Variants in CAMTA1 observed in about 807,000 individuals in gnomAD.
CAMTA1 encodes calmodulin binding transcription activator 1.
In CAMTA1, 27 loss-of-function variants were observed where a neutral mutation model predicts 170.9. The ratio of observed to expected loss-of-function variants is 0.16; its 90% confidence interval spans 0.12 to 0.22. The LOEUF (loss-of-function observed/expected upper bound fraction) is 0.22, where lower values mean the gene tolerates loss of function less well. Among genes scored for constraint, CAMTA1 ranks in the 10% least tolerant of loss-of-function variants. The pLI, the probability that CAMTA1 is intolerant of heterozygous loss-of-function variation, is 1.00. For missense variants in CAMTA1, 1,619 were observed against 2,217.2 expected, an observed-to-expected ratio of 0.73 and a Z score of 5.42; for synonymous variants, 833 against 891.5, an observed-to-expected ratio of 0.93 and a Z score of 1.17.
chr1:7,390,326 C>G (rs1204931786), intron 5 of CAMTA1, among the ~76,000 whole-genome samples: 1 of 152,226 alleles, frequency 6.6e-6, no homozygotes, highest in African/African-American at 2.4e-5. Context: ...GACCTGCTGT[C>G]CTCAGGCTCA....
intron 3 of CAMTA1, among the ~76,000 whole-genome samples, chr1:6,923,863 C>G (rs1457938204): frequency 6.6e-6 from 1 of 152,228 alleles, no homozygotes; most frequent in Middle Eastern, 3.2e-3. Flanking sequence ...TCCCCTAGAC[C>G]TGCCAATTTG....
intron 16 of CAMTA1, among the ~76,000 whole-genome samples, chr1:7,742,806 C>A (rs562953613): frequency 6.6e-6 from 1 of 152,144 alleles, no homozygotes; most frequent in African/African-American, 2.4e-5. Context: ...CAAATCAAGA[C>A]GGCCAATAGA....
intron 5 of CAMTA1, among the ~76,000 whole-genome samples, chr1:7,460,629 C>G (rs114934156): frequency 6.6e-6 from 1 of 151,682 alleles, no homozygotes; most frequent in African/African-American, 2.4e-5. Flanking sequence ...AGTTCTGCCT[C>G]TCACCTGCTC....
chr1:6,943,846 CAAAAAAAAA>C (rs1198830005), intron 3 of CAMTA1, among the ~76,000 whole-genome samples: 8 of 51,676 alleles, frequency 1.5e-4, no homozygotes, highest in South Asian at 1.4e-3. Context: ...GACTCTGTCT[CAAAAAAAAA>C]AAAAAAAAAA....
chr1:7,408,737 C>T (rs748042211), intron 5 of CAMTA1, among the ~76,000 whole-genome samples: 18 of 152,324 alleles, frequency 1.2e-4, no homozygotes, highest in East Asian at 3.9e-4. Flanking sequence ...CTCCATAGCA[C>T]GCCTTGCTGG....
intron 3 of CAMTA1, among the ~76,000 whole-genome samples, chr1:6,862,947 A>T (rs889600512): frequency 1.3e-5 from 2 of 152,258 alleles, no homozygotes; most frequent in African/African-American, 4.8e-5. Context: ...AAAAAAGGTG[A>T]CAAGAATATA....
intron 3 of CAMTA1, among the ~76,000 whole-genome samples, chr1:6,926,036 C>T (rs1683014712): frequency 1.3e-5 from 2 of 152,252 alleles, no homozygotes; most frequent in African/African-American, 4.8e-5. Context: ...GAGCACTTAA[C>T]TCTGTCCCAG....
At chr1:7,265,923 G>A (rs906302060) in intron 5 of CAMTA1, among the ~76,000 whole-genome samples, 1 of 152,204 alleles carries the variant, frequency 6.6e-6, no homozygotes, top group Non-Finnish European at 1.5e-5. Flanking sequence ...AGTGACAAGG[G>A]TAGGGCTTGT....
At chr1:7,503,779 C>T (rs2094050580) in intron 6 of CAMTA1, among the ~76,000 whole-genome samples, 1 of 152,176 alleles carries the variant, frequency 6.6e-6, no homozygotes, top group Non-Finnish European at 1.5e-5. Flanking sequence ...TGTAGCCTGC[C>T]CACCCACAGT....
chr1:7,542,888 G>A (rs555480422), intron 6 of CAMTA1, among the ~76,000 whole-genome samples: 12 of 61,518 alleles, frequency 2.0e-4, no homozygotes, highest in East Asian at 1.2e-3. Context: ...TGTTTGAGCC[G>A]GAGTCTTGCT....
intron 6 of CAMTA1, among the ~76,000 whole-genome samples, chr1:7,540,915 A>T (rs574758579): frequency 6.6e-6 from 1 of 152,322 alleles, no homozygotes; most frequent in African/African-American, 2.4e-5. Flanking sequence ...CACCAACAGG[A>T]GGAGGGAAGA....
intron 3 of CAMTA1, among the ~76,000 whole-genome samples, chr1:6,870,179 A>G (rs1369302113): frequency 6.6e-6 from 1 of 152,152 alleles, no homozygotes; most frequent in Non-Finnish European, 1.5e-5. Flanking sequence ...CTAAATAATG[A>G]TGCTACTAAA....
intron 3 of CAMTA1, among the ~76,000 whole-genome samples, chr1:6,920,648 C>G (rs1475911403): frequency 6.6e-6 from 1 of 152,254 alleles, no homozygotes; most frequent in Non-Finnish European, 1.5e-5. Flanking sequence ...TCCTGGGCAT[C>G]CAGGCATTTC....
At position 7,292,358 on chromosome 1, in the gene CAMTA1, T is replaced by A. The variant is rs896260651; in HGVS notation, c.438+42732T>A. 3.9e-5 allele frequency among the ~76,000 whole-genome samples: 6 copies of A among 152,248 alleles called. No individual in the cohort carries two copies. In the East Asian group the frequency reaches 1.2e-3, roughly 29 times the overall value. On this transcript the variant is annotated intron_variant, in intron 5 of 22. Coordinates refer to ENST00000303635, the MANE Select transcript of CAMTA1 (RefSeq NM_015215.4). ...TAGCAGGCAGAGCCAATATTCTGTG[T>A]TTTCTTGAAGCCACCTTGTATTTCA...
chr1:7,654,697 CT>C (rs1339991617), intron 7 of CAMTA1, among the ~76,000 whole-genome samples: 6 of 148,784 alleles, frequency 4.0e-5, no homozygotes, highest in African/African-American at 1.5e-4. Context: ...ACAAACACCC[CT>C]ATACACACAA....
At chr1:7,290,492 G>A (rs1048787064) in intron 5 of CAMTA1, among the ~76,000 whole-genome samples, 6 of 152,154 alleles carry the variant, frequency 3.9e-5, no homozygotes, top group African/African-American at 1.2e-4. Context: ...GTAACTCGGG[G>A]CCTGGGATGT....
chr1:7,289,169 C>G (rs931281434), intron 5 of CAMTA1, among the ~76,000 whole-genome samples: 2 of 152,110 alleles, frequency 1.3e-5, no homozygotes, highest in African/African-American at 4.8e-5. Context: ...AAATCCGCCC[C>G]CATGATCCAA....
intron 3 of CAMTA1, among the ~76,000 whole-genome samples, chr1:7,036,748 T>C (rs998948894): frequency 2.0e-5 from 3 of 152,258 alleles, no homozygotes; most frequent in African/African-American, 7.2e-5. Flanking sequence ...ACGTTTCTGC[T>C]AAGCGAGTTG....
At chr1:7,215,168 A>T (rs74224543) in intron 4 of CAMTA1, among the ~76,000 whole-genome samples, 17 of 126,024 alleles carry the variant, frequency 1.3e-4, no homozygotes, top group Admixed American at 3.1e-4. Context: ...CCTATTTTTT[A>T]AAAAAAAGAC....
Sources: gnomAD v4.1 joint callset for allele counts (sites outside exome capture counted in the v4.1 genomes callset) on GRCh38, gnomAD v4.1.1 for gene constraint, MANE v1.5 for transcripts, NCBI Gene and HGNC (gene_info 2026-07-23, HGNC 2026-07-21) for gene names.